GRIK1: variants seen among roughly 807,000 people sequenced by gnomAD.
GRIK1 encodes the protein glutamate receptor ionotropic, kainate 1.
In GRIK1, 69 loss-of-function variants were observed where a neutral mutation model predicts 105.7. The observed-to-expected ratio is 0.65, with a 90% CI of 0.54 to 0.80. The LOEUF (loss-of-function observed/expected upper bound fraction) is 0.80, where lower values mean the gene tolerates loss of function less well. Among genes scored for constraint, GRIK1 ranks in the 30% least tolerant of loss-of-function variants. GRIK1 has a pLI of 0.00. For synonymous variants in GRIK1, 438 were observed against 431.3 expected (o/e 1.02, Z -0.19); for missense variants, 1,109 against 1,167.3 (o/e 0.95, Z 0.73).
At chr21:29,870,653 T>C (rs770541986) in intron 1 of GRIK1, among the ~76,000 whole-genome samples, 13 of 152,166 alleles carry the variant, frequency 8.5e-5, no homozygotes, top group Non-Finnish European at 1.3e-4. Context: ...TCTTCTCTGA[T>C]CTGTAAGTTT....
At chr21:29,918,776 C>T (rs1342671839) in intron 1 of GRIK1, among the ~76,000 whole-genome samples, 1 of 151,920 alleles carries the variant, frequency 6.6e-6, no homozygotes, top group African/African-American at 2.4e-5. Flanking sequence ...TGGAAAATAC[C>T]TGATACACCA....
At chr21:29,924,908 A>G (rs902122544) in intron 1 of GRIK1, among the ~76,000 whole-genome samples, 4 of 152,154 alleles carry the variant, frequency 2.6e-5, no homozygotes, top group African/African-American at 9.6e-5. Flanking sequence ...CTTCCCTCTA[A>G]CTTTCTGCTG....
chr21:29,755,888 A>G (rs1239729840), intron 1 of GRIK1, among the ~76,000 whole-genome samples: 4 of 152,296 alleles, frequency 2.6e-5, no homozygotes, highest in African/African-American at 9.6e-5. Flanking sequence ...TTCGGATAAC[A>G]TTTTACCAGG....
intron 1 of GRIK1, among the ~76,000 whole-genome samples, chr21:29,728,164 A>C (rs572754634): frequency 7.9e-5 from 12 of 152,288 alleles, no homozygotes; most frequent in African/African-American, 2.9e-4. Flanking sequence ...TTGTCATATA[A>C]AATTAACCAT....
At chr21:29,557,224 C>T (rs925138843) in intron 15 of GRIK1, among the ~76,000 whole-genome samples, 4 of 151,574 alleles carry the variant, frequency 2.6e-5, no homozygotes, top group African/African-American at 7.3e-5. Context: ...AGTAGTACAC[C>T]CTGGTTTTCT....
chr21:29,827,253 TG>T (rs1322783321), intron 1 of GRIK1, among the ~76,000 whole-genome samples: 1 of 152,078 alleles, frequency 6.6e-6, no homozygotes, highest in Non-Finnish European at 1.5e-5. Context: ...TTAAAGCAGG[TG>T]GTATTTTGAA....
chr21:29,926,105 TAAAAA>T (rs10587669), intron 1 of GRIK1, among the ~76,000 whole-genome samples: 1 of 148,200 alleles, frequency 6.7e-6, no homozygotes, highest in Non-Finnish European at 1.5e-5. Context: ...CATAAAAAGC[TAAAAA>T]AAAAAAAAAA....
intron 4 of GRIK1, among the ~76,000 whole-genome samples, chr21:29,661,890 C>T (rs1190540634): frequency 2.6e-5 from 4 of 152,176 alleles, no homozygotes; most frequent in African/African-American, 9.7e-5. Context: ...CACGTGTTAA[C>T]CACATGCATG....
chr21:29,685,990 C>G (rs1300119881), intron 3 of GRIK1, among the ~76,000 whole-genome samples: 1 of 152,234 alleles, frequency 6.6e-6, no homozygotes, highest in African/African-American at 2.4e-5. Context: ...GGAAGGAACA[C>G]TGCACAGAGA....
chr21:29,785,585 GC>G (rs1569091068), intron 1 of GRIK1, among the ~76,000 whole-genome samples: 1 of 112,480 alleles, frequency 8.9e-6, no homozygotes, highest in South Asian at 2.8e-4. Context: ...AAAAAAAAAA[GC>G]CCCCGAAAAA....
Position 29,561,797 on chromosome 21 carries a change from T to G in GRIK1, c.2183A>C (p.Gln728Pro). Residue 728 changes from glutamine (Q) to proline (P), a missense_variant, in exon 15 of 18, where the codon CAG becomes CCG. Physicochemically the swap from Gln to Pro is moderately conservative, Grantham distance 76. This residue lies in a region of GRIK1 where 264 missense variants were observed against 306.9 expected (regional missense o/e 0.86). Transcript: ENST00000327783. ...ACTGTTTCTTACCAGGGCGGTCTGC[T>G]GCCTGCTGCTCATGAAAGCCCACAT... Reference protein sequence around the residue: ...EKMWAFMSSRQQTALVRNSDE... With the variant: ...EKMWAFMSSRPQTALVRNSDE... The G allele has an allele frequency of 5.0e-6, 8 of 1,614,078 alleles. No individual in the cohort carries two copies. The highest frequency in any genetic ancestry group is 6.8e-6 in the Non-Finnish European group (8 of 1,179,934).
chr21:29,901,907 C>T (rs1271754175), intron 1 of GRIK1, among the ~76,000 whole-genome samples: 1 of 141,354 alleles, frequency 7.1e-6, no homozygotes, highest in Non-Finnish European at 1.5e-5. Flanking sequence ...CAATAAAATA[C>T]TGGCAAACCA....
intron 1 of GRIK1, among the ~76,000 whole-genome samples, chr21:29,780,158 G>A (rs2066054952): frequency 6.6e-6 from 1 of 152,106 alleles, no homozygotes; most frequent in African/African-American, 2.4e-5. Flanking sequence ...GTAGCTAATT[G>A]GATGCCAGCT....
intron 7 of GRIK1, among the ~76,000 whole-genome samples, chr21:29,619,468 G>A (rs1385889099): frequency 1.3e-5 from 2 of 151,812 alleles, no homozygotes; most frequent in African/African-American, 4.8e-5. Flanking sequence ...AACGGACTTT[G>A]GTGACTCAGG....
In GRIK1 at chr21:29,768,152, T is replaced by A. The variant is rs762255436; in HGVS notation, c.119-74089A>T. Among the ~76,000 whole-genome samples the A allele has an allele frequency of 3.1e-4, 47 of 152,122 alleles. 1 individual carries two copies. The highest frequency in any genetic ancestry group is 8.8e-5 in the Non-Finnish European group (6 of 68,018). ...AGAGTTTTTAGGCTGGATGACCTCC[T>A]TTATGGGGAAGATGTTCTTCAGGAA... On this transcript the variant is annotated intron_variant, in intron 1 of 17. Transcript: ENST00000327783.
At chr21:29,824,027 G>A (rs961161492) in intron 1 of GRIK1, among the ~76,000 whole-genome samples, 3 of 151,962 alleles carry the variant, frequency 2.0e-5, no homozygotes, top group Non-Finnish European at 4.4e-5. Flanking sequence ...AATGGGGCAA[G>A]GTCAAAAGCA....
intron 1 of GRIK1, among the ~76,000 whole-genome samples, chr21:29,909,722 G>T (rs1358509144): frequency 6.6e-6 from 1 of 152,126 alleles, no homozygotes; most frequent in Non-Finnish European, 1.5e-5. Context: ...TGAGCAGTTG[G>T]CAAGGTGCTC....
intron 1 of GRIK1, among the ~76,000 whole-genome samples, chr21:29,756,475 A>G (rs1009595597): frequency 1.3e-5 from 2 of 152,162 alleles, no homozygotes; most frequent in African/African-American, 2.4e-5. Context: ...GCAAAATCAC[A>G]TGGAAGAAGA....
At chr21:29,650,512 G>A (rs2062709576) in intron 6 of GRIK1, among the ~76,000 whole-genome samples, 1 of 152,204 alleles carries the variant, frequency 6.6e-6, no homozygotes, top group African/African-American at 2.4e-5. Flanking sequence ...TTAGGGAGAA[G>A]CTCTCTGATG....
Sources: allele counts gnomAD v4.1 joint callset (sites outside exome capture counted in the v4.1 genomes callset), GRCh38; gene constraint gnomAD v4.1.1; regional missense constraint gnomAD v4.1.1; transcripts MANE v1.5; gene names NCBI Gene and HGNC (gene_info 2026-07-23, HGNC 2026-07-21).